BCL11B: variants seen among roughly 807,000 people sequenced by gnomAD.
The protein encoded by BCL11B is BCL11 transcription factor B, also known as B-cell lymphoma/leukemia 11B.
A neutral mutation model predicts 49.9 loss-of-function variants in BCL11B; 8 were observed. The ratio of observed to expected loss-of-function variants is 0.16; its 90% CI spans 0.09 to 0.29. The LOEUF (loss-of-function observed/expected upper bound fraction) is 0.29. Ranked by LOEUF, BCL11B falls within the 10% of genes least tolerant of loss-of-function variation. BCL11B has a pLI of 1.00. For synonymous variants in BCL11B, 739 were observed against 637.4 expected (o/e 1.16, Z -2.40); for missense variants, 1,006 against 1,351.0 (o/e 0.74, Z 4.00).
chr14:99,270,466 C>A (rs1213640349), intron 1 of BCL11B, among the ~76,000 whole-genome samples: 1 of 109,624 alleles, frequency 9.1e-6, no homozygotes, highest in Non-Finnish European at 1.8e-5. Context: ...AGGAGACAGA[C>A]GGAGGTGGGG....
At chr14:99,269,498 C>A (rs1447664033) in intron 1 of BCL11B, among the ~76,000 whole-genome samples, 1 of 143,418 alleles carries the variant, frequency 7.0e-6, no homozygotes, top group Admixed American at 7.2e-5. Flanking sequence ...CAAGGCGAAT[C>A]CCACTTTAAT....
At position 99,175,563 on chromosome 14, in the gene BCL11B, T is replaced by C; in HGVS notation, c.1273A>G (p.Lys425Glu). 6.3e-7 allele frequency: 1 copy of C among 1,594,816 alleles called. No homozygotes were observed. The highest frequency in any genetic ancestry group is 8.5e-7 in the Non-Finnish European group (1 of 1,170,190). Residue 425 changes from lysine to glutamate, a missense_variant, in exon 4 of 4, where the codon AAG (lysine) becomes GAG (glutamate). By Grantham distance (56) the Lys-to-Glu change is moderately conservative (BLOSUM62 1). This residue lies in a region of BCL11B where 97 missense variants were observed against 81.5 expected (regional missense o/e 1.19). Transcript: ENST00000357195. ...GGTPPPQPPA[K>E]SKSCEFCGKT... is the part of the protein sequence containing the mutation. The stretch of plus-strand genomic sequence containing the variant: ...CCGCAGAACTCGCACGACTTGCTCT[T>C]GGCTGGCGGCTGCGGGGGCGGCGTG...
chr14:99,191,995 C>T (rs984162502), intron 3 of BCL11B, among the ~76,000 whole-genome samples: 20 of 152,154 alleles, frequency 1.3e-4, no homozygotes, highest in African/African-American at 4.6e-4. Context: ...TTTTAAAAAA[C>T]ACGATCCAGA....
rs1458196328 is a variant in BCL11B, at chr14:99,174,343, G to A, written c.2493C>T (p.Tyr831=). The part of the protein sequence containing the change: ...ERPYKCELCN[Y]ACAQSSKLTR... ...TGAGCTTGCTGCTCTGCGCGCACGC[G>A]TAGTTGCACAGCTCGCACTTGTAAG... is the stretch of plus-strand genomic sequence containing the variant. Residue 831 remains tyrosine (Y), a synonymous_variant, in exon 4 of 4, where the codon TAC becomes TAT. Transcript: ENST00000357195. 4 of 1,613,354 alleles carry A rather than the reference G, an allele frequency of 2.5e-6. No individual in the cohort carries two copies. The African/African-American group carries it at 4.0e-5, about 16-fold the overall frequency.
Position 99,171,416 on chromosome 14 carries a change from TG to T in BCL11B, c.*2734del. On this transcript the variant is annotated 3_prime_UTR_variant, in exon 4 of 4. Transcript: ENST00000357195. ...TATATTATGGCAGCCTGTTTGTTTT[TG>T]TTTTTTTTTTCTTTTTATTTCCAAA... 1 of 216,044 alleles carries T rather than the reference TG, an allele frequency of 4.6e-6. No individual in the cohort carries two copies. Among genetic ancestry groups the T allele is most frequent in the Non-Finnish European group, 9.3e-6 (1 of 107,154 alleles). 13.4% of individuals were successfully genotyped at this position (216,044 alleles called of 1,614,324 possible). A position where few individuals can be genotyped will look rare whatever the true frequency, so the allele number is the denominator to read the frequency against.
At chr14:99,238,589 G>A (rs1271482242) in intron 2 of BCL11B, among the ~76,000 whole-genome samples, 5 of 152,168 alleles carry the variant, frequency 3.3e-5, no homozygotes, top group African/African-American at 1.2e-4. Flanking sequence ...AACCACGGAG[G>A]TGGAGGGGGC....
chr14:99,179,899 A>AG (rs1886651657), intron 3 of BCL11B, among the ~76,000 whole-genome samples: 1 of 152,144 alleles, frequency 6.6e-6, no homozygotes, highest in Non-Finnish European at 1.5e-5. Flanking sequence ...ACTTTCAGAA[A>AG]TGGAACAATG....
At chr14:99,233,674 A>T (rs1888402989) in intron 2 of BCL11B, among the ~76,000 whole-genome samples, 1 of 152,184 alleles carries the variant, frequency 6.6e-6, no homozygotes, top group East Asian at 1.9e-4. Flanking sequence ...GCAGGTAGAA[A>T]ACAGGCATCT....
At chr14:99,200,907 C>A (rs540345452) in intron 3 of BCL11B, among the ~76,000 whole-genome samples, 12 of 152,212 alleles carry the variant, frequency 7.9e-5, no homozygotes, top group African/African-American at 2.7e-4. Context: ...AAGCAGCCCC[C>A]CAGTGGTCCA....
chr14:99,265,083 A>G (rs1889443098), intron 1 of BCL11B, among the ~76,000 whole-genome samples: 1 of 152,232 alleles, frequency 6.6e-6, no homozygotes, highest in Non-Finnish European at 1.5e-5. Flanking sequence ...ACAGGACCTC[A>G]GGCCAAATGG....
chr14:99,246,850 T>C lies in BCL11B; in HGVS notation c.427+10621A>G, dbSNP rs367868148. Among the ~76,000 whole-genome samples the C allele has an allele frequency of 2.6e-5, 4 of 151,900 alleles. No homozygotes were observed. The East Asian group carries it at 7.8e-4, about 30-fold the overall frequency. ...AAGCTTGAGGAGGGGCTGCTGGAGA[T>C]GGAAGGAAGTGAGAGGAGACTTGCA... On this transcript the variant is annotated intron_variant, in intron 2 of 3. Coordinates refer to ENST00000357195, the MANE Select transcript of BCL11B (RefSeq NM_138576.4).
intron 1 of BCL11B, among the ~76,000 whole-genome samples, chr14:99,269,536 C>T (rs1889592449): frequency 7.0e-6 from 1 of 143,110 alleles, no homozygotes; most frequent in Non-Finnish European, 1.5e-5. Context: ...CAAAAAAAAT[C>T]ATAATAAATC....
chr14:99,178,439 G>A (rs1051796459), intron 3 of BCL11B, among the ~76,000 whole-genome samples: 3 of 152,182 alleles, frequency 2.0e-5, no homozygotes, highest in Non-Finnish European at 2.9e-5. Flanking sequence ...GGGCAGGGAC[G>A]CCTTCCCAAG....
At chr14:99,244,702 A>G (rs1888773789) in intron 2 of BCL11B, among the ~76,000 whole-genome samples, 1 of 152,212 alleles carries the variant, frequency 6.6e-6, no homozygotes, top group Non-Finnish European at 1.5e-5. Flanking sequence ...CAAAAAATAA[A>G]TTGACAAATG....
At chr14:99,189,229 A>G (rs957427268) in intron 3 of BCL11B, among the ~76,000 whole-genome samples, 3 of 152,242 alleles carry the variant, frequency 2.0e-5, no homozygotes, top group African/African-American at 7.2e-5. Flanking sequence ...CCACCGTGCC[A>G]AGCTTCCTCC....
Position 99,176,150 on chromosome 14 carries a change from G to C in BCL11B, c.686C>G (p.Pro229Arg). The change falls in exon 4 of 4, where the codon CCC (proline) becomes CGC (arginine). Residue 229 changes from proline to arginine, a missense_variant. Physicochemically the swap from Pro to Arg is moderately radical, Grantham distance 103. Around this residue, in one of 6 missense-constraint regions of BCL11B, gnomAD observed 411 missense variants for 542.2 expected, o/e 0.76. Coordinates refer to ENST00000357195, the MANE Select transcript of BCL11B (RefSeq NM_138576.4). The part of the protein sequence containing the change: ...SSYICTTCKQ[P>R]FNSAWFLLQH... ...CAGCAGGAACCACGCGCTGTTGAAG[G>C]GCTGCTTGCATGTTGTGCAAATGTA... The C allele has an allele frequency of 6.2e-7, 1 of 1,612,462 alleles. No individual in the cohort carries two copies. The highest frequency in any genetic ancestry group is 8.5e-7 in the Non-Finnish European group (1 of 1,179,124).
At position 99,172,168 on chromosome 14, in the gene BCL11B, T is replaced by C. The variant is rs755793247; in HGVS notation, c.*1983A>G. The stretch of plus-strand genomic sequence containing the variant: ...TAACTTTAGAAAAAATTAGCCGTTG[T>C]TCCTGAATTGTTTTTGTTTTGCTTT... On this transcript the variant is annotated 3_prime_UTR_variant, in exon 4 of 4. Transcript: ENST00000357195. 1 of 223,122 alleles carries C rather than the reference T, an allele frequency of 4.5e-6. No individual in the cohort carries two copies. Among genetic ancestry groups the C allele is most frequent in the Non-Finnish European group, 9.0e-6 (1 of 111,442 alleles). The allele number at this position is 223,122 out of a possible 1,614,324, so 13.8% of individuals were successfully genotyped here.
chr14:99,236,735 C>G (rs1888510906), intron 2 of BCL11B, among the ~76,000 whole-genome samples: 1 of 152,152 alleles, frequency 6.6e-6, no homozygotes, highest in African/African-American at 2.4e-5. Flanking sequence ...ATCTTCAGCA[C>G]AGGGCCTGGC....
intron 2 of BCL11B, among the ~76,000 whole-genome samples, chr14:99,234,247 C>A (rs549321101): frequency 6.6e-6 from 1 of 152,000 alleles, no homozygotes; most frequent in Admixed American, 6.6e-5. Flanking sequence ...GACGGCTGCA[C>A]GACATTGTGA....
Sources: allele counts gnomAD v4.1 joint callset (sites outside exome capture counted in the v4.1 genomes callset), GRCh38; gene constraint gnomAD v4.1.1; regional missense constraint gnomAD v4.1.1; transcripts MANE v1.5; gene names NCBI Gene and HGNC (gene_info 2026-07-23, HGNC 2026-07-21).